The following CNBD1 variants were observed in gnomAD, a reference collection of about 807,000 sequenced individuals.
The protein encoded by CNBD1 is cyclic nucleotide binding domain containing 1, also known as cyclic nucleotide-binding domain-containing protein 1.
CNBD1 carries 71 observed loss-of-function variants against 54.4 expected under a neutral mutation model. That is an observed-to-expected ratio of 1.30 (90% CI 1.08 to 1.59). The LOEUF (loss-of-function observed/expected upper bound fraction) is 1.59, where lower values mean the gene tolerates loss of function less well. Ranked by LOEUF, CNBD1 falls within the 40% of genes most tolerant of loss-of-function variation. CNBD1 has a pLI of 0.00. For missense variants in CNBD1, 659 were observed against 518.0 expected (o/e 1.27, Z -2.64); for synonymous variants, 182 against 170.7 (o/e 1.07, Z -0.51).
At chr8:87,123,687 T>C (rs781651769) in intron 4 of CNBD1, among the ~76,000 whole-genome samples, 10 of 151,454 alleles carry the variant, frequency 6.6e-5, no homozygotes, top group South Asian at 2.1e-4. Flanking sequence ...CTAAATGAAA[T>C]AGAGACTAGG....
At chr8:86,902,750 C>T (rs1808957616) in intron 2 of CNBD1, among the ~76,000 whole-genome samples, 1 of 151,918 alleles carries the variant, frequency 6.6e-6, no homozygotes, top group South Asian at 2.1e-4. Context: ...TCACGAAAAA[C>T]ATCTTCAGGA....
At chr8:87,175,006 G>A (rs1339852434) in intron 4 of CNBD1, among the ~76,000 whole-genome samples, 1 of 152,174 alleles carries the variant, frequency 6.6e-6, no homozygotes, top group Non-Finnish European at 1.5e-5. Flanking sequence ...CACTAGGATT[G>A]CACTGGGTCA....
chr8:87,350,069 T>A (rs1403907952), intron 8 of CNBD1, among the ~76,000 whole-genome samples: 1 of 152,234 alleles, frequency 6.6e-6, no homozygotes, highest in Non-Finnish European at 1.5e-5. Context: ...GCTAGGAGCT[T>A]CTATGCCTTT....
At chr8:87,386,906 C>A (rs137906076), downstream of CNBD1, among the ~76,000 whole-genome samples, 2,029 of 152,336 alleles carry the variant, frequency 0.013, 36 homozygotes, top group African/African-American at 0.046. Flanking sequence ...AACAGCTGAT[C>A]TCTCAGCAGA....
chr8:87,137,114 T>TATTTTTATTATATGTAAATTATATA (rs1563482910), intron 4 of CNBD1, among the ~76,000 whole-genome samples: 19 of 61,998 alleles, frequency 3.1e-4, no homozygotes, highest in Non-Finnish European at 4.5e-4. Context: ...ATTATATATA[T>TATTTTTATTATATGTAAATTATATA]TATATTTTTA....
chr8:87,171,570 C>T (rs1034554417), intron 4 of CNBD1, among the ~76,000 whole-genome samples: 2 of 150,744 alleles, frequency 1.3e-5, no homozygotes, highest in African/African-American at 2.4e-5. Context: ...TTTGTTTGTT[C>T]TTGCTTTTCT....
At chr8:86,954,147 C>T (rs573263185) in intron 4 of CNBD1, among the ~76,000 whole-genome samples, 24 of 152,242 alleles carry the variant, frequency 1.6e-4, no homozygotes, top group African/African-American at 5.1e-4. Flanking sequence ...GTATTTTATT[C>T]ACAAAGCAAA....
At chr8:87,421,604 C>A (rs1397840177) in intron 2 of CNBD1, among the ~76,000 whole-genome samples, 1 of 152,006 alleles carries the variant, frequency 6.6e-6, no homozygotes, top group Non-Finnish European at 1.5e-5. Context: ...AGGACATGAA[C>A]TCATCATTTT....
intron 1 of CNBD1, among the ~76,000 whole-genome samples, chr8:86,882,472 C>T (rs1340055961): frequency 6.6e-6 from 1 of 152,062 alleles, no homozygotes; most frequent in Non-Finnish European, 1.5e-5. Context: ...CACTGAGACA[C>T]CATCTCACAC....
intron 5 of CNBD1, among the ~76,000 whole-genome samples, chr8:87,232,261 T>C (rs1334477688): frequency 1.3e-5 from 2 of 152,288 alleles, no homozygotes; most frequent in East Asian, 3.9e-4. Flanking sequence ...TTTTTGGACA[T>C]CTACTTTCAT....
At chr8:87,195,975 G>A (rs755870202) in intron 4 of CNBD1, among the ~76,000 whole-genome samples, 1 of 152,154 alleles carries the variant, frequency 6.6e-6, no homozygotes, top group Non-Finnish European at 1.5e-5. Flanking sequence ...TCCTACCCAA[G>A]TTAATGGCTT....
At chr8:87,351,817 T>C (rs1439073306) in intron 9 of CNBD1, 23 bp downstream of exon 9, 2 of 1,438,596 alleles carry the variant, frequency 1.4e-6, no homozygotes, top group African/African-American at 1.5e-5. Context: ...CATGTATTCT[T>C]TTTAATCAAT....
At chr8:87,170,957 A>G (rs1813072505) in intron 4 of CNBD1, among the ~76,000 whole-genome samples, 1 of 151,992 alleles carries the variant, frequency 6.6e-6, no homozygotes, top group African/African-American at 2.4e-5. Context: ...CATCGGAGAT[A>G]TTGGTCTGTA....
intron 4 of CNBD1, among the ~76,000 whole-genome samples, chr8:87,124,004 G>T (rs1811944561): frequency 6.6e-6 from 1 of 151,520 alleles, no homozygotes; most frequent in Non-Finnish European, 1.5e-5. Context: ...TCAATTAAAA[G>T]AAAACATCCT....
intron 6 of CNBD1, among the ~76,000 whole-genome samples, chr8:87,246,908 A>T (rs1298070796): frequency 1.3e-5 from 2 of 152,124 alleles, no homozygotes; most frequent in Admixed American, 6.6e-5. Flanking sequence ...CATAATGTAG[A>T]ACCTATGGGA....
intron 4 of CNBD1, among the ~76,000 whole-genome samples, chr8:87,108,629 G>T (rs572721104): frequency 2.0e-5 from 3 of 152,298 alleles, no homozygotes; most frequent in South Asian, 2.1e-4. Flanking sequence ...GGAGGAAGGG[G>T]TTTTAAGGCT....
At chr8:86,964,127 G>A (rs1808009628) in intron 4 of CNBD1, among the ~76,000 whole-genome samples, 1 of 212 alleles carries the variant, frequency 4.7e-3, no homozygotes, top group Non-Finnish European at 8.1e-3. Flanking sequence ...GCCTGTTTCT[G>A]TAGCTTCCTC....
chr8:87,183,244 CTT>C (rs1813394218), intron 4 of CNBD1, among the ~76,000 whole-genome samples: 3 of 151,996 alleles, frequency 2.0e-5, no homozygotes, highest in Admixed American at 2.0e-4. Context: ...TTTCTAGTCT[CTT>C]TTGTAGGTAT....
In CNBD1 at chr8:87,205,998, T is replaced by C; in HGVS notation, c.437T>C (p.Ile146Thr). Residue 146 changes from isoleucine to threonine, a missense_variant, in exon 5 of 11, where the codon ATT becomes ACT. Physicochemically the swap from Ile to Thr is moderately conservative, Grantham distance 89. Coordinates refer to ENST00000518476, the MANE Select transcript of CNBD1 (RefSeq NM_173538.3). ...TATTTTTTTTTTTTTTTGAGGCCCA[T>C]TCACAGGACGCCATATGAACACAAA... ...EFLAILKKLP[I>T]HRTPYEHKTV... 1 of 1,508,892 alleles carries C rather than the reference T, an allele frequency of 6.6e-7. No individual in the cohort carries two copies. The highest frequency in any genetic ancestry group is 8.8e-7 in the Non-Finnish European group (1 of 1,132,800). 93.5% of individuals were successfully genotyped at this position (1,508,892 alleles called of 1,614,324 possible). A position where few individuals can be genotyped will look rare whatever the true frequency, so the allele number is the denominator to read the frequency against.
Sources: gnomAD v4.1 joint callset for allele counts (sites outside exome capture counted in the v4.1 genomes callset) on GRCh38, gnomAD v4.1.1 for gene constraint, MANE v1.5 for transcripts, NCBI Gene and HGNC (gene_info 2026-07-23, HGNC 2026-07-21) for gene names.